The following RBFOX1 variants were observed in gnomAD, a reference collection of about 807,000 sequenced individuals.
RBFOX1 encodes RNA binding fox-1 homolog 1, also known as RNA binding protein fox-1 homolog 1.
RBFOX1 carries 8 observed loss-of-function variants against 57.7 expected under a neutral mutation model. The observed-to-expected ratio is 0.14, with a 90% CI of 0.08 to 0.25. The LOEUF (loss-of-function observed/expected upper bound fraction) is 0.25, where lower values mean the gene tolerates loss of function less well. Ranked by LOEUF, RBFOX1 falls within the 10% of genes least tolerant of loss-of-function variation. RBFOX1 has a pLI of 1.00. For missense variants in RBFOX1, 611 were observed against 548.5 expected (o/e 1.11, Z -1.14); for synonymous variants, 326 against 222.4 (o/e 1.47, Z -4.15).
chr16:6,767,690 C>T (rs7499681), intron 3 of RBFOX1, among the ~76,000 whole-genome samples: 15,583 of 151,686 alleles, frequency 0.1, 901 homozygotes, highest in African/African-American at 0.15. Context: ...CCAAGGTGGG[C>T]AGATCACGAG....
intron 3 of RBFOX1, among the ~76,000 whole-genome samples, chr16:7,045,767 T>G (rs556836915): frequency 6.6e-6 from 1 of 152,140 alleles, no homozygotes; most frequent in Non-Finnish European, 1.5e-5. Flanking sequence ...GCAGTTCTCT[T>G]GCCTCAGCCT....
intron 4 of RBFOX1, among the ~76,000 whole-genome samples, chr16:7,484,803 T>C (rs1254574461): frequency 6.6e-6 from 1 of 152,194 alleles, no homozygotes; most frequent in Non-Finnish European, 1.5e-5. Flanking sequence ...GATGTTTATA[T>C]TGTTATGTAT....
intron 3 of RBFOX1, among the ~76,000 whole-genome samples, chr16:5,770,404 C>T (rs1048644444): frequency 6.6e-6 from 1 of 152,148 alleles, no homozygotes; most frequent in East Asian, 1.9e-4. Context: ...CTGGAAGTTA[C>T]CTTATAGGGT....
At chr16:7,120,830 T>TATATATAC (rs1226442313) in intron 4 of RBFOX1, among the ~76,000 whole-genome samples, 13 of 86,542 alleles carry the variant, frequency 1.5e-4, no homozygotes, top group African/African-American at 4.3e-4. Flanking sequence ...TATGTATATA[T>TATATATAC]ACACACACAC....
chr16:6,773,125 GGGGTGTGGGGTGCATTTGTGTTTGTGTAT>G (rs2078660173), intron 3 of RBFOX1, among the ~76,000 whole-genome samples: 1 of 131,964 alleles, frequency 7.6e-6, no homozygotes. Context: ...TGTGTATATT[GGGGTGTGGGGTGCATTTGTGTTTGTGTAT>G]GGGTGTGGGG....
At chr16:5,895,198 G>GACTC (rs2058136027) in intron 4 of RBFOX1, among the ~76,000 whole-genome samples, 1 of 152,146 alleles carries the variant, frequency 6.6e-6, no homozygotes, top group South Asian at 2.1e-4. Flanking sequence ...TATAAATGCT[G>GACTC]AGGTCATAGT....
chr16:5,652,081 C>G (rs1412808413), intron 3 of RBFOX1, among the ~76,000 whole-genome samples: 1 of 151,980 alleles, frequency 6.6e-6, no homozygotes, highest in Non-Finnish European at 1.5e-5. Flanking sequence ...TTCTAGTGAG[C>G]CAAGATAACA....
chr16:6,183,310 C>G (rs1201230235), intron 1 of RBFOX1, among the ~76,000 whole-genome samples: 3 of 151,658 alleles, frequency 2.0e-5, no homozygotes, highest in African/African-American at 7.3e-5. Context: ...GAAACCCTGT[C>G]TCTACTAAAA....
intron 3 of RBFOX1, among the ~76,000 whole-genome samples, chr16:5,836,860 CCT>C (rs1255578357): frequency 6.6e-6 from 1 of 152,168 alleles, no homozygotes; most frequent in African/African-American, 2.4e-5. Context: ...GCCCAGGCCA[CCT>C]CTTTCTTGCT....
chr16:7,017,367 C>T (rs749883181), intron 3 of RBFOX1, among the ~76,000 whole-genome samples: 18 of 152,124 alleles, frequency 1.2e-4, no homozygotes, highest in Non-Finnish European at 2.2e-4. Flanking sequence ...GCAGTGCTAA[C>T]GGAGCTGAAA....
intron 3 of RBFOX1, among the ~76,000 whole-genome samples, chr16:6,741,299 A>G (rs772384992): frequency 1.3e-5 from 2 of 152,200 alleles, no homozygotes; most frequent in Non-Finnish European, 2.9e-5. Context: ...TAGGAAAAAT[A>G]TCTTTCGAAC....
intron 1 of RBFOX1, among the ~76,000 whole-genome samples, chr16:5,427,841 C>T (rs1025693201): frequency 7.2e-5 from 11 of 152,160 alleles, no homozygotes; most frequent in African/African-American, 1.7e-4. Context: ...TAATATCATA[C>T]AAAACTACCC....
intron 3 of RBFOX1, among the ~76,000 whole-genome samples, chr16:6,926,027 G>A (rs1010829884): frequency 6.6e-6 from 1 of 152,106 alleles, no homozygotes; most frequent in African/African-American, 2.4e-5. Flanking sequence ...TCAACTTGCT[G>A]GCTGGGCTTG....
At position 6,327,419 on chromosome 16, in the gene RBFOX1, A is replaced by G. The variant is rs137981486; in HGVS notation, c.-64+10362A>G. ...TCTTTGGGATAAGTGCCTGAGAAGTATAAGTCAAAGGATAGAAGCATCTTT... is the reference window on the plus strand; with the variant it reads ...TCTTTGGGATAAGTGCCTGAGAAGTGTAAGTCAAAGGATAGAAGCATCTTT... On this transcript the variant is annotated intron_variant, in intron 2 of 15. Coordinates refer to ENST00000550418, the MANE Select transcript of RBFOX1 (RefSeq NM_018723.4). Among the ~76,000 whole-genome samples, 237 of 152,290 alleles carry G rather than the reference A, an allele frequency of 1.6e-3. 4 individuals carry two copies. The highest frequency in any genetic ancestry group is 5.4e-3 in the African/African-American group (226 of 41,552).
chr16:6,949,934 C>T (rs1196801080), intron 3 of RBFOX1, among the ~76,000 whole-genome samples: 2 of 126,050 alleles, frequency 1.6e-5, no homozygotes, highest in East Asian at 2.2e-4. Flanking sequence ...TCCCTGAGTA[C>T]GTTTTTTTGT....
At chr16:5,505,077 AC>A (rs574286812) in intron 2 of RBFOX1, among the ~76,000 whole-genome samples, 41 of 116,206 alleles carry the variant, frequency 3.5e-4, no homozygotes, top group African/African-American at 2.7e-3. Context: ...ACCAAACACC[AC>A]TTGAGATGGG....
At chr16:6,809,839 A>T (rs947517548) in intron 3 of RBFOX1, among the ~76,000 whole-genome samples, 1 of 152,156 alleles carries the variant, frequency 6.6e-6, no homozygotes, top group Non-Finnish European at 1.5e-5. Flanking sequence ...GTGCTGTCGT[A>T]CCAAGTGTAA....
At chr16:5,403,349 C>CAAAAAAAAAAAAAAAAAA (rs767830099) in intron 1 of RBFOX1, among the ~76,000 whole-genome samples, 3 of 82,244 alleles carry the variant, frequency 3.6e-5, no homozygotes, top group Non-Finnish European at 5.6e-5. Flanking sequence ...AACGCTGTCT[C>CAAAAAAAAAAAAAAAAAA]AAAAAAAAAA....
intron 4 of RBFOX1, among the ~76,000 whole-genome samples, chr16:7,099,263 C>G (rs936381925): frequency 2.6e-5 from 4 of 152,114 alleles, no homozygotes; most frequent in Middle Eastern, 3.2e-3. Flanking sequence ...CAGGAGAGAT[C>G]ACTCTAGCTG....
Sources: gnomAD v4.1 joint callset for allele counts (sites outside exome capture counted in the v4.1 genomes callset) on GRCh38, gnomAD v4.1.1 for gene constraint, MANE v1.5 for transcripts, NCBI Gene and HGNC (gene_info 2026-07-23, HGNC 2026-07-21) for gene names.